NOS1AP: variants seen among roughly 807,000 people sequenced by gnomAD.
NOS1AP encodes nitric oxide synthase 1 adaptor protein.
In NOS1AP, 21 loss-of-function variants were observed where a neutral mutation model predicts 56.2. The observed-to-expected ratio is 0.37, with a 90% confidence interval of 0.26 to 0.54. The LOEUF (loss-of-function observed/expected upper bound fraction) is 0.54, where lower values mean the gene tolerates loss of function less well. Ranked by LOEUF, NOS1AP falls within the 20% of genes least tolerant of loss-of-function variation. NOS1AP has a pLI of 0.84. For synonymous variants in NOS1AP, 270 were observed against 274.6 expected, an observed-to-expected ratio of 0.98 and a Z score of 0.17; for missense variants, 522 against 657.8, an observed-to-expected ratio of 0.79 and a Z score of 2.26.
chr1:162,223,983 G>C (rs1652865621), intron 2 of NOS1AP, among the ~76,000 whole-genome samples: 1 of 152,188 alleles, frequency 6.6e-6, no homozygotes, highest in Admixed American at 6.5e-5. Context: ...TTTTCTGCCA[G>C]AGTCACTCTG....
At chr1:162,145,836 A>G (rs1247097033) in intron 1 of NOS1AP, among the ~76,000 whole-genome samples, 3 of 152,176 alleles carry the variant, frequency 2.0e-5, no homozygotes, top group South Asian at 4.1e-4. Context: ...CCAGGAGACC[A>G]GCGGGATATG....
At chr1:162,323,514 A>G (rs981446634) in intron 4 of NOS1AP, among the ~76,000 whole-genome samples, 9 of 152,226 alleles carry the variant, frequency 5.9e-5, no homozygotes, top group Non-Finnish European at 8.8e-5. Context: ...AAATGGAGAT[A>G]ATAACTGTAT....
At chr1:162,265,111 G>A (rs370840187) in intron 2 of NOS1AP, among the ~76,000 whole-genome samples, 2 of 151,986 alleles carry the variant, frequency 1.3e-5, no homozygotes, top group East Asian at 1.9e-4. Context: ...CACTGCACCC[G>A]GTCCTCTTTG....
intron 8 of NOS1AP, chr1:162,360,689 G>A (rs541205756): frequency 2.5e-6 from 1 of 397,204 alleles, no homozygotes; most frequent in African/African-American, 2.1e-5. Flanking sequence ...CCCCACCCCA[G>A]GCCCTCTATT....
chr1:162,353,708 A>T (rs1657600417), intron 6 of NOS1AP, among the ~76,000 whole-genome samples: 1 of 152,188 alleles, frequency 6.6e-6, no homozygotes, highest in Non-Finnish European at 1.5e-5. Flanking sequence ...GCAGTAGCCC[A>T]GCTTCTCCTG....
chr1:162,280,629 A>C (rs549447295), intron 2 of NOS1AP, among the ~76,000 whole-genome samples: 2 of 152,252 alleles, frequency 1.3e-5, no homozygotes, highest in Non-Finnish European at 1.5e-5. Flanking sequence ...CTTGGTCTAC[A>C]AAGTAGGATG....
Position 162,348,548 on chromosome 1 carries a change from G to A in NOS1AP, c.595+4572G>A, listed in dbSNP as rs764944573. Among the ~76,000 whole-genome samples the A allele has an allele frequency of 3.9e-5, 6 of 152,112 alleles. No homozygotes were observed. The East Asian group carries it at 5.8e-4, about 15-fold the overall frequency. On this transcript the variant is annotated intron_variant, in intron 6 of 9. Coordinates refer to ENST00000361897, the MANE Select transcript of NOS1AP (RefSeq NM_014697.3). ...GTGAGACCTCAGCTGCTTGGCTTCCGTATACCACTCTTCCTAAGAAAAATG... is the reference window on the plus strand; with the variant it reads ...GTGAGACCTCAGCTGCTTGGCTTCCATATACCACTCTTCCTAAGAAAAATG...
In NOS1AP at chr1:162,289,464, C is replaced by CTTTTTTTTT. The variant is rs565786964; in HGVS notation, c.270+2032_270+2033insTTTTTTTTT. ...TGGCGCCTGCCACCACGCCCAGCTA[C>CTTTTTTTTT]TTTTCTTTTTTTTTTTTTTTTTTTT... On this transcript the variant is annotated intron_variant, in intron 3 of 9. Transcript: ENST00000361897. 2.4e-4 allele frequency among the ~76,000 whole-genome samples: 11 copies of CTTTTTTTTT among 45,050 alleles called. 5 individuals are homozygous for CTTTTTTTTT. The highest frequency in any genetic ancestry group is 3.2e-4 in the African/African-American group (4 of 12,644). 29.6% of individuals were successfully genotyped at this position (45,050 alleles called of 152,430 possible). A position where few individuals can be genotyped will look rare whatever the true frequency, so the allele number is the denominator to read the frequency against.
chr1:162,117,164 A>G (rs1647995163), intron 1 of NOS1AP, among the ~76,000 whole-genome samples: 1 of 152,190 alleles, frequency 6.6e-6, no homozygotes, highest in Non-Finnish European at 1.5e-5. Flanking sequence ...TGCTGGCTTC[A>G]GTTTCCTGGG....
At chr1:162,230,819 C>T (rs564559242) in intron 2 of NOS1AP, among the ~76,000 whole-genome samples, 2 of 152,200 alleles carry the variant, frequency 1.3e-5, no homozygotes, top group South Asian at 2.1e-4. Flanking sequence ...TAGCAGGTGT[C>T]GAATTTCCTC....
At chr1:162,102,270 A>G (rs889115856) in intron 1 of NOS1AP, among the ~76,000 whole-genome samples, 1 of 152,162 alleles carries the variant, frequency 6.6e-6, no homozygotes, top group African/African-American at 2.4e-5. Context: ...TGTATGTTGA[A>G]CCAATCTTGC....
chr1:162,278,057 C>T (rs1303090276), intron 2 of NOS1AP, among the ~76,000 whole-genome samples: 1 of 152,190 alleles, frequency 6.6e-6, no homozygotes, highest in Non-Finnish European at 1.5e-5. Context: ...AACTTCTTTT[C>T]CATTTTAGAA....
chr1:162,176,831 A>G (rs188555094), intron 2 of NOS1AP, among the ~76,000 whole-genome samples: 39 of 152,310 alleles, frequency 2.6e-4, no homozygotes, highest in African/African-American at 9.1e-4. Context: ...AGTATTCCAT[A>G]ATATGAATGT....
chr1:162,077,654 T>G (rs1328615408), intron 1 of NOS1AP, among the ~76,000 whole-genome samples: 3 of 152,124 alleles, frequency 2.0e-5, no homozygotes, highest in Non-Finnish European at 4.4e-5. Context: ...CCATGTCCTG[T>G]TAGTCTGCCC....
At chr1:162,213,479 A>T (rs913832142) in intron 2 of NOS1AP, among the ~76,000 whole-genome samples, 3 of 152,118 alleles carry the variant, frequency 2.0e-5, no homozygotes, top group African/African-American at 7.2e-5. Flanking sequence ...GAGACCTTTC[A>T]CCTTCACCTG....
chr1:162,081,774 A>ATATTTTTTTTTTTTTTTTTTTT, intron 1 of NOS1AP, among the ~76,000 whole-genome samples: 4 of 44,060 alleles, frequency 9.1e-5, no homozygotes, highest in African/African-American at 2.3e-4. Context: ...ATATATATAT[A>ATATTTTTTTTTTTTTTTTTTTT]TTTTTTTTTT....
At chr1:162,259,916 A>G (rs996836176) in intron 2 of NOS1AP, among the ~76,000 whole-genome samples, 1 of 152,196 alleles carries the variant, frequency 6.6e-6, no homozygotes, top group African/African-American at 2.4e-5. Context: ...TCTCCTAAGA[A>G]ACTAAGATAC....
At chr1:162,162,750 A>T (rs1650281497) in intron 2 of NOS1AP, among the ~76,000 whole-genome samples, 1 of 152,192 alleles carries the variant, frequency 6.6e-6, no homozygotes, top group African/African-American at 2.4e-5. Flanking sequence ...ACATATTTAA[A>T]TGATGTAACA....
chr1:162,355,469 G>A (rs967724840), intron 7 of NOS1AP, 116 bp downstream of exon 7: 21 of 1,288,436 alleles, frequency 1.6e-5, no homozygotes, highest in Admixed American at 8.6e-5. Context: ...GCACAGTGGC[G>A]GTGCCAGAGC....
Sources: gnomAD v4.1 joint callset for allele counts (sites outside exome capture counted in the v4.1 genomes callset) on GRCh38, gnomAD v4.1.1 for gene constraint, MANE v1.5 for transcripts, NCBI Gene and HGNC (gene_info 2026-07-23, HGNC 2026-07-21) for gene names.